Variants in MAP2K4 observed in about 807,000 individuals in gnomAD.
The protein encoded by MAP2K4 is mitogen-activated protein kinase kinase 4, also known as dual specificity mitogen-activated protein kinase kinase 4.
Under a neutral mutation model 48.5 loss-of-function variants are expected in MAP2K4, and 4 were observed. The observed-to-expected ratio is 0.08, with a 90% CI of 0.04 to 0.19. MAP2K4 has a LOEUF of 0.19. Ranked by LOEUF, MAP2K4 falls within the 10% of genes least tolerant of loss-of-function variation. MAP2K4 has a pLI of 1.00. For missense variants in MAP2K4, 258 were observed against 493.3 expected (o/e 0.52, Z 4.52); for synonymous variants, 166 against 173.1 (o/e 0.96, Z 0.32).
intron 2 of MAP2K4, among the ~76,000 whole-genome samples, chr17:12,062,641 A>C (rs1970486456): frequency 1.3e-5 from 2 of 152,174 alleles, no homozygotes; most frequent in South Asian, 4.1e-4. Flanking sequence ...AAATGTCTTT[A>C]AATAAATAAC....
chr17:12,103,117 C>A (rs555581274), intron 4 of MAP2K4, among the ~76,000 whole-genome samples: 2 of 151,558 alleles, frequency 1.3e-5, no homozygotes, highest in Non-Finnish European at 2.9e-5. Flanking sequence ...CTAGCTCAAC[C>A]CAACCTTGAA....
rs542586085 is a variant in MAP2K4, at chr17:12,033,159, A to C, written c.115+12158A>C. Among the ~76,000 whole-genome samples, 5 of 152,172 alleles carry C rather than the reference A, an allele frequency of 3.3e-5. No homozygotes were observed. In the South Asian group the frequency reaches 6.2e-4, roughly 19 times the overall value. ...CCAAAAAAAAAATGCATTTAAGCTT[A>C]AATGTCATCTGTATCAAGTACAGTT... On this transcript the variant is annotated intron_variant, in intron 1 of 10. Transcript: ENST00000353533.
chr17:12,093,097 C>T (rs1354331423), intron 3 of MAP2K4, among the ~76,000 whole-genome samples: 2 of 152,188 alleles, frequency 1.3e-5, no homozygotes, highest in Non-Finnish European at 2.9e-5. Context: ...ACTTTTCTAC[C>T]TACTGCCAGA....
At chr17:12,042,853 C>A (rs1036918030) in intron 1 of MAP2K4, among the ~76,000 whole-genome samples, 1 of 152,092 alleles carries the variant, frequency 6.6e-6, no homozygotes, top group African/African-American at 2.4e-5. Flanking sequence ...CGAGACCATC[C>A]TGGCTAACAC....
chr17:12,062,464 A>T (rs1478994852), intron 2 of MAP2K4, among the ~76,000 whole-genome samples: 1 of 152,152 alleles, frequency 6.6e-6, no homozygotes, highest in Non-Finnish European at 1.5e-5. Flanking sequence ...CCTTCTGAGT[A>T]GCTGGCACTA....
At chr17:12,061,336 G>T (rs1970443873) in intron 2 of MAP2K4, among the ~76,000 whole-genome samples, 1 of 152,144 alleles carries the variant, frequency 6.6e-6, no homozygotes, top group Non-Finnish European at 1.5e-5. Flanking sequence ...ACAGTTTAGG[G>T]ATATTCAGTC....
chr17:12,131,835 C>T (rs1002891063), intron 9 of MAP2K4, among the ~76,000 whole-genome samples: 1 of 151,932 alleles, frequency 6.6e-6, no homozygotes, highest in South Asian at 2.1e-4. Flanking sequence ...TACTTATATT[C>T]GACGAAGGAC....
At chr17:12,068,616 G>A (rs994921225) in intron 2 of MAP2K4, among the ~76,000 whole-genome samples, 19 of 152,014 alleles carry the variant, frequency 1.2e-4, no homozygotes, top group Non-Finnish European at 2.2e-4. Context: ...GTTTAGTTGC[G>A]ATTACTGTGA....
chr17:12,064,669 AAAATGAAAC>A (rs1433763707), intron 2 of MAP2K4, among the ~76,000 whole-genome samples: 1 of 149,954 alleles, frequency 6.7e-6, no homozygotes, highest in Non-Finnish European at 1.5e-5. Context: ...GGTTTTTAAT[AAAATGAAAC>A]AAGCACCTGC....
intron 2 of MAP2K4, among the ~76,000 whole-genome samples, chr17:12,066,257 A>G (rs1970614129): frequency 6.6e-6 from 1 of 152,046 alleles, no homozygotes; most frequent in Non-Finnish European, 1.5e-5. Flanking sequence ...CTGGTAAGAG[A>G]ATTCAGTTGG....
At chr17:12,035,515 T>C (rs1296656697) in intron 1 of MAP2K4, among the ~76,000 whole-genome samples, 1 of 152,058 alleles carries the variant, frequency 6.6e-6, no homozygotes, top group African/African-American at 2.4e-5. Context: ...AAACTCCGTC[T>C]CAAAATAAAT....
intron 1 of MAP2K4, among the ~76,000 whole-genome samples, chr17:12,052,550 A>G (rs1480690794): frequency 6.6e-6 from 1 of 152,308 alleles, no homozygotes; most frequent in African/African-American, 2.4e-5. Context: ...GCTTTCTAAG[A>G]AAGGACCAAT....
At chr17:12,039,345 T>C (rs930890186) in intron 1 of MAP2K4, among the ~76,000 whole-genome samples, 10 of 152,208 alleles carry the variant, frequency 6.6e-5, no homozygotes. Context: ...CACCCCACTT[T>C]CTTTTTGGCA....
chr17:12,113,961 A>G (rs369451338), intron 7 of MAP2K4, among the ~76,000 whole-genome samples: 1 of 152,174 alleles, frequency 6.6e-6, no homozygotes, highest in South Asian at 2.1e-4. Context: ...TATTTGAATG[A>G]AAATGTAGTG....
chr17:12,059,714 A>G (rs958996814), intron 2 of MAP2K4, among the ~76,000 whole-genome samples: 16 of 152,226 alleles, frequency 1.1e-4, no homozygotes, highest in African/African-American at 3.6e-4. Flanking sequence ...CAGTTGTGCT[A>G]TAGAACATCT....
chr17:12,141,426 A>G lies in MAP2K4; in HGVS notation c.*166A>G. ...TATACTCCTGTCACCTAGAACGTGC[A>G]TCCTTGTAATACCTGATTGATCACA... On this transcript the variant is annotated 3_prime_UTR_variant, in exon 11 of 11. Transcript: ENST00000353533. The G allele has an allele frequency of 1.6e-6, 1 of 624,482 alleles. No individual in the cohort carries two copies. The highest frequency in any genetic ancestry group is 1.8e-5 in the African/African-American group (1 of 54,750). 38.7% of individuals were successfully genotyped at this position (624,482 alleles called of 1,614,324 possible). A position where few individuals can be genotyped will look rare whatever the true frequency, so the allele number is the denominator to read the frequency against.
intron 3 of MAP2K4, chr17:12,082,124 G>T: frequency 3.7e-6 from 1 of 270,842 alleles, no homozygotes; most frequent in South Asian, 3.5e-5. Flanking sequence ...ATTGTGTCGT[G>T]CCACTTAATA....
chr17:12,091,463 G>A lies in MAP2K4; in HGVS notation c.394-4112G>A, dbSNP rs536911084. 9.2e-5 allele frequency among the ~76,000 whole-genome samples: 14 copies of A among 152,180 alleles called. No homozygotes were observed. In the South Asian group the frequency reaches 1.7e-3, roughly 18 times the overall value. ...GGACTTGTTAACTTTCTATTACCGCGGCCTAATCCATACAGAACTCCCAAC... is the reference window on the plus strand; with the variant it reads ...GGACTTGTTAACTTTCTATTACCGCAGCCTAATCCATACAGAACTCCCAAC... On this transcript the variant is annotated intron_variant, in intron 3 of 10. Coordinates refer to ENST00000353533, the MANE Select transcript of MAP2K4 (RefSeq NM_003010.4).
chr17:12,143,082 A>G lies in MAP2K4; in HGVS notation c.*1822A>G, dbSNP rs1973424418. ...GCCTCATTTCCCTATCTTCTCCCCCACGGTATCCTAAACTTTAGACTTCCC... is the reference window on the plus strand; with the variant it reads ...GCCTCATTTCCCTATCTTCTCCCCCGCGGTATCCTAAACTTTAGACTTCCC... On this transcript the variant is annotated 3_prime_UTR_variant, in exon 11 of 11. Coordinates refer to ENST00000353533, the MANE Select transcript of MAP2K4 (RefSeq NM_003010.4). 1 of 232,854 alleles carries G rather than the reference A, an allele frequency of 4.3e-6. No homozygotes were observed. Among genetic ancestry groups the G allele is most frequent in the Non-Finnish European group, 8.5e-6 (1 of 117,890 alleles). The allele number at this position is 232,854 out of a possible 1,614,324, so 14.4% of individuals were successfully genotyped here. A position where few individuals can be genotyped will look rare whatever the true frequency, so the allele number is the denominator to read the frequency against.
Sources: allele counts gnomAD v4.1 joint callset (sites outside exome capture counted in the v4.1 genomes callset), GRCh38; gene constraint gnomAD v4.1.1; transcripts MANE v1.5; gene names NCBI Gene and HGNC (gene_info 2026-07-23, HGNC 2026-07-21).